SOAT2: variants seen among roughly 807,000 people sequenced by gnomAD.
The protein encoded by SOAT2 is sterol O-acyltransferase 2, also known as ACAT-2.
In SOAT2, 87 loss-of-function variants were observed where a neutral mutation model predicts 76.0. That is an observed-to-expected ratio of 1.14 (90% CI 0.96 to 1.37). SOAT2 has a LOEUF of 1.37. Among genes scored for constraint, SOAT2 ranks in the 40% most tolerant of loss-of-function variants. The pLI, the probability that SOAT2 is intolerant of heterozygous loss-of-function variation, is 0.00. For missense variants in SOAT2, 686 were observed against 682.1 expected (o/e 1.01, Z -0.06); for synonymous variants, 285 against 275.4 (o/e 1.03, Z -0.34).
Position 53,105,894 on chromosome 12 carries a change from C to T in SOAT2, c.336-13C>T, listed in dbSNP as rs887684009. Reference sequence around the variant, plus strand: ...ACCCTCCCACACTGACTTTCGGGCCCCTGTCCCTCTAGTGAGCTGATGGAG... The same window carrying T: ...ACCCTCCCACACTGACTTTCGGGCCTCTGTCCCTCTAGTGAGCTGATGGAG... On this transcript the variant is annotated splice_polypyrimidine_tract_variant and intron_variant, in intron 4 of 14. Coordinates refer to ENST00000301466, the MANE Select transcript of SOAT2 (RefSeq NM_003578.4). The T allele has an allele frequency of 2.1e-6, 3 of 1,415,440 alleles. No individual in the cohort carries two copies. The highest frequency in any genetic ancestry group is 1.9e-4 in the Middle Eastern group (1 of 5,240). The allele number at this position is 1,415,440 out of a possible 1,614,324, so 87.7% of individuals were successfully genotyped here.
At chr12:53,122,666 C>T (rs1938209460) in intron 12 of SOAT2, among the ~76,000 whole-genome samples, 1 of 151,918 alleles carries the variant, frequency 6.6e-6, no homozygotes, top group Non-Finnish European at 1.5e-5. Context: ...CACAGATCAA[C>T]AGGATCCCAA....
At chr12:53,121,960 A>T (rs1464714119) in intron 12 of SOAT2, among the ~76,000 whole-genome samples, 1 of 151,056 alleles carries the variant, frequency 6.6e-6, no homozygotes, top group Non-Finnish European at 1.5e-5. Flanking sequence ...CGCAAATGCC[A>T]CCATGCTCAG....
At chr12:53,123,277 C>T in intron 13 of SOAT2, 61 bp downstream of exon 13, 1 of 1,600,648 alleles carries the variant, frequency 6.2e-7, no homozygotes, top group East Asian at 2.2e-5. Context: ...CATCCTGCTC[C>T]TGCAGATCCC....
At chr12:53,121,902 G>A (rs1263026756) in intron 12 of SOAT2, among the ~76,000 whole-genome samples, 2 of 145,780 alleles carry the variant, frequency 1.4e-5, no homozygotes, top group Non-Finnish European at 3.0e-5. Context: ...CTGCCTCCTG[G>A]GTTCAAGCGA....
chr12:53,122,522 G>C (rs1308065686), intron 12 of SOAT2, among the ~76,000 whole-genome samples: 1 of 151,026 alleles, frequency 6.6e-6, no homozygotes, highest in Non-Finnish European at 1.5e-5. Context: ...AGATTAGGGA[G>C]TGGTGATGAC....
At chr12:53,123,676 G>C (rs1352828737) in intron 13 of SOAT2, 52 bp from the exon 14 acceptor site, 1 of 1,608,906 alleles carries the variant, frequency 6.2e-7, no homozygotes, top group Non-Finnish European at 8.5e-7. Flanking sequence ...AGGGAAGCCA[G>C]GGAGACAAGG....
intron 5 of SOAT2, 64 bp from the exon 6 acceptor site, chr12:53,115,326 T>C: frequency 1.3e-6 from 2 of 1,502,678 alleles, no homozygotes; most frequent in Non-Finnish European, 1.8e-6. Flanking sequence ...GAGCTCAGAC[T>C]GAAGAGGAAG....
chr12:53,122,244 C>T (rs905653645), intron 12 of SOAT2, among the ~76,000 whole-genome samples: 2 of 125,486 alleles, frequency 1.6e-5, no homozygotes, highest in Non-Finnish European at 3.3e-5. Context: ...GGGAGGTAAA[C>T]ATCTTAAAAG....
intron 5 of SOAT2, among the ~76,000 whole-genome samples, chr12:53,107,708 C>T (rs771106185): frequency 1.3e-5 from 2 of 148,216 alleles, no homozygotes; most frequent in East Asian, 2.1e-4. Flanking sequence ...CTGCAACCTC[C>T]GCCTCCTGGG....
intron 5 of SOAT2, among the ~76,000 whole-genome samples, chr12:53,111,234 T>C (rs1483180234): frequency 2.6e-5 from 4 of 151,888 alleles, no homozygotes; most frequent in Non-Finnish European, 4.4e-5. Flanking sequence ...GCCTCCTGAG[T>C]AGCTGGGACT....
intron 8 of SOAT2, 132 bp from the exon 9 acceptor site, chr12:53,118,758 C>T (rs1486803933): frequency 1.0e-5 from 10 of 960,110 alleles, no homozygotes; most frequent in Admixed American, 2.0e-5. Context: ...CTAGACCCCA[C>T]CACCCTAGAT....
At chr12:53,123,686 G>A (rs747120381) in intron 13 of SOAT2, 42 bp from the exon 14 acceptor site, 5 of 1,611,966 alleles carry the variant, frequency 3.1e-6, no homozygotes, top group South Asian at 2.2e-5. Context: ...GGGAGACAAG[G>A]CACTCCTGGA....
At chr12:53,116,053 T>A (rs1938102674) in intron 6 of SOAT2, 44 bp from the exon 7 acceptor site, 1 of 1,566,032 alleles carries the variant, frequency 6.4e-7, no homozygotes, top group South Asian at 1.1e-5. Context: ...GCGATTTGCT[T>A]AAAGCCACAC....
intron 7 of SOAT2, among the ~76,000 whole-genome samples, chr12:53,116,682 A>T (rs988153692): frequency 6.6e-6 from 1 of 152,122 alleles, no homozygotes; most frequent in Non-Finnish European, 1.5e-5. Context: ...TGAGCAACGT[A>T]GTGAGATGGG....
chr12:53,104,122 T>C (rs1592274114), intron 1 of SOAT2, 29 bp from the exon 2 acceptor site: 2 of 1,606,536 alleles, frequency 1.2e-6, no homozygotes, highest in South Asian at 1.1e-5. Flanking sequence ...ATTCCTCCTG[T>C]TGACTGTGCC....
chr12:53,123,530 G>C (rs1325446821), intron 13 of SOAT2, among the ~76,000 whole-genome samples, 198 bp from the exon 14 acceptor site: 1 of 152,204 alleles, frequency 6.6e-6, no homozygotes, highest in African/African-American at 2.4e-5. Flanking sequence ...ATGAGATTCA[G>C]GATATTGAAG....
chr12:53,105,860 AC>A, intron 4 of SOAT2, 46 bp from the exon 5 acceptor site: 1 of 1,126,408 alleles, frequency 8.9e-7, no homozygotes, highest in Non-Finnish European at 1.2e-6. Context: ...AGTTCACACA[AC>A]CCTGAGGACC....
Position 53,119,107 on chromosome 12 carries a change from C to T in SOAT2, c.910-17C>T, listed in dbSNP as rs747507825. Reference sequence around the variant, plus strand: ...CCAGCATCCCTCTCCAGTTATGTGTCCCCATGCCCCCTCCAGGCCCTGGGA... The same window carrying T: ...CCAGCATCCCTCTCCAGTTATGTGTTCCCATGCCCCCTCCAGGCCCTGGGA... On this transcript the variant is annotated splice_polypyrimidine_tract_variant and intron_variant, in intron 9 of 14. Transcript: ENST00000301466. The T allele has an allele frequency of 7.4e-6, 12 of 1,613,644 alleles. No homozygotes were observed. The highest frequency in any genetic ancestry group is 1.0e-5 in the Non-Finnish European group (12 of 1,179,836).
Position 53,115,282 on chromosome 12 carries a change from C to T in SOAT2, c.444-108C>T, listed in dbSNP as rs1349785303. On this transcript the variant is annotated intron_variant, in intron 5 of 14. Transcript: ENST00000301466. The stretch of plus-strand genomic sequence containing the variant: ...AACACCTCCAGAGATGGGGAGCTCA[C>T]AACCTGATCAAGATACCTCAGTTCA... 3 of 1,331,234 alleles carry T rather than the reference C, an allele frequency of 2.3e-6. No individual in the cohort carries two copies. In the African/African-American group the frequency reaches 4.4e-5, roughly 20 times the overall value. 82.5% of individuals were successfully genotyped at this position (1,331,234 alleles called of 1,614,324 possible). A position where few individuals can be genotyped will look rare whatever the true frequency, so the allele number is the denominator to read the frequency against.
Sources: gnomAD v4.1 joint callset for allele counts (sites outside exome capture counted in the v4.1 genomes callset) on GRCh38, gnomAD v4.1.1 for gene constraint, MANE v1.5 for transcripts, NCBI Gene and HGNC (gene_info 2026-07-23, HGNC 2026-07-21) for gene names.